The following AK9 variants were observed in gnomAD, a reference collection of about 807,000 sequenced individuals.
AK9 encodes adenylate kinase 9.
In AK9, 191 loss-of-function variants were observed where a neutral mutation model predicts 239.6. The ratio of observed to expected loss-of-function variants is 0.80; its 90% confidence interval spans 0.71 to 0.90. The LOEUF (loss-of-function observed/expected upper bound fraction) is 0.90, where lower values mean the gene tolerates loss of function less well. Among genes scored for constraint, AK9 ranks in the 40% least tolerant of loss-of-function variants. The probability of loss-of-function intolerance (pLI) is 0.00; values close to 1 mark genes in which losing one functional copy is unlikely to be tolerated. For missense variants in AK9, 1,995 were observed against 2,214.7 expected (o/e 0.90, Z 1.99); for synonymous variants, 689 against 721.0 (o/e 0.96, Z 0.71).
At chr6:109,537,343 GT>G (rs998203836) in intron 27 of AK9, among the ~76,000 whole-genome samples, 2 of 152,022 alleles carry the variant, frequency 1.3e-5, no homozygotes, top group African/African-American at 4.8e-5. Context: ...GAGGTTCTAT[GT>G]GTCCAGGAAT....
chr6:109,604,377 C>T (rs1033443114), intron 17 of AK9, among the ~76,000 whole-genome samples: 25 of 152,090 alleles, frequency 1.6e-4, no homozygotes, highest in African/African-American at 4.1e-4. Flanking sequence ...ATCATTTTTA[C>T]GTTTAACTAT....
chr6:109,583,187 T>A (rs547810964), intron 19 of AK9, among the ~76,000 whole-genome samples: 1 of 152,272 alleles, frequency 6.6e-6, no homozygotes, highest in East Asian at 1.9e-4. Context: ...GATGGGGCTC[T>A]TTGTGACATC....
intron 12 of AK9, among the ~76,000 whole-genome samples, chr6:109,630,864 A>G (rs1796027766): frequency 1.3e-5 from 2 of 152,238 alleles, no homozygotes; most frequent in South Asian, 4.1e-4. Flanking sequence ...AGAAAAAAAA[A>G]GAAATAGACC....
chr6:109,605,602 G>C (rs546211008), intron 17 of AK9, among the ~76,000 whole-genome samples: 1 of 152,168 alleles, frequency 6.6e-6, no homozygotes, highest in South Asian at 2.1e-4. Context: ...GAGCAATTTT[G>C]GAGTAAGAAA....
chr6:109,544,861 C>T (rs941826317), intron 26 of AK9, among the ~76,000 whole-genome samples: 3 of 152,030 alleles, frequency 2.0e-5, no homozygotes, highest in Non-Finnish European at 4.4e-5. Flanking sequence ...TCAGAGAACA[C>T]AATAATGGAA....
chr6:109,496,968 G>T (rs1053411639), intron 38 of AK9, among the ~76,000 whole-genome samples: 3 of 151,996 alleles, frequency 2.0e-5, no homozygotes, highest in Admixed American at 6.5e-5. Context: ...CTTCATGGTG[G>T]TCTTACTTGA....
chr6:109,616,635 G>A (rs987380210), intron 13 of AK9, among the ~76,000 whole-genome samples: 5 of 151,910 alleles, frequency 3.3e-5, no homozygotes, highest in East Asian at 1.9e-4. Flanking sequence ...CTTTGGCTTC[G>A]CAGAGCATTG....
rs1258667613 is a variant in AK9, at chr6:109,509,305, T to C, written c.4355A>G (p.Asn1452Ser). The change falls in exon 33 of 41, where the codon AAT becomes AGT. Residue 1452 changes from asparagine to serine, a missense_variant. By Grantham distance (46) the Asn-to-Ser change is conservative. Transcript: ENST00000424296. Reference sequence around the variant, plus strand: ...AAGTGCCAGCTCTGTTTCCGGGTGATTGTTTAGTACATAACGCAAAGCTCC... The same window carrying C: ...AAGTGCCAGCTCTGTTTCCGGGTGACTGTTTAGTACATAACGCAAAGCTCC... ...IGGALRYVLN[N>S]HPETELALML... 2.6e-6 allele frequency: 4 copies of C among 1,551,650 alleles called. No individual in the cohort carries two copies. Among genetic ancestry groups the C allele is most frequent in the East Asian group, 2.4e-5 (1 of 40,936 alleles).
intron 15 of AK9, among the ~76,000 whole-genome samples, chr6:109,613,038 G>C (rs750166899): frequency 4.1e-4 from 61 of 149,104 alleles, no homozygotes; most frequent in Non-Finnish European, 7.6e-4. Context: ...TATAGAATTT[G>C]ATATAATCAA....
At chr6:109,664,131 G>C (rs1255116803) in intron 5 of AK9, among the ~76,000 whole-genome samples, 1 of 152,084 alleles carries the variant, frequency 6.6e-6, no homozygotes, top group Non-Finnish European at 1.5e-5. Flanking sequence ...ATGGTTTTAT[G>C]ATTTCTAAAC....
At chr6:109,523,124 T>C (rs565652403) in intron 29 of AK9, among the ~76,000 whole-genome samples, 1 of 152,290 alleles carries the variant, frequency 6.6e-6, no homozygotes, top group African/African-American at 2.4e-5. Context: ...GTTTTATTCT[T>C]ACTTTTTAAT....
intron 21 of AK9, among the ~76,000 whole-genome samples, chr6:109,569,961 C>T (rs1431561120): frequency 6.6e-6 from 1 of 152,042 alleles, no homozygotes; most frequent in East Asian, 1.9e-4. Flanking sequence ...AATCATGCTG[C>T]TATAAAGACA....
chr6:109,542,544 T>C (rs1015811034), intron 26 of AK9, among the ~76,000 whole-genome samples: 14 of 152,226 alleles, frequency 9.2e-5, no homozygotes, highest in African/African-American at 3.4e-4. Context: ...TTGATCCTTA[T>C]ACATTCTATG....
chr6:109,521,177 T>C (rs9487134), intron 29 of AK9, among the ~76,000 whole-genome samples: 4,707 of 152,198 alleles, frequency 0.031, 252 homozygotes, highest in African/African-American at 0.11. Context: ...CATTCTTCTC[T>C]TTTAAAAATG....
At chr6:109,559,543 T>C (rs1268882541) in intron 24 of AK9, among the ~76,000 whole-genome samples, 1 of 152,232 alleles carries the variant, frequency 6.6e-6, no homozygotes, top group Non-Finnish European at 1.5e-5. Flanking sequence ...TAGTGTGTTG[T>C]TCCTGGATCT....
At chr6:109,592,908 AG>A (rs1290273826) in intron 17 of AK9, among the ~76,000 whole-genome samples, 1 of 152,084 alleles carries the variant, frequency 6.6e-6, no homozygotes, top group Non-Finnish European at 1.5e-5. Flanking sequence ...CTGGCTGTCT[AG>A]ATCTCTGACA....
chr6:109,637,976 T>C (rs1249046854), intron 10 of AK9, among the ~76,000 whole-genome samples: 1 of 152,210 alleles, frequency 6.6e-6, no homozygotes, highest in Non-Finnish European at 1.5e-5. Context: ...GGATTTGTGT[T>C]TGTAGTAAGC....
At chr6:109,498,044 T>C in intron 36 of AK9, 79 bp from the exon 37 acceptor site, 1 of 1,397,072 alleles carries the variant, frequency 7.2e-7, no homozygotes, top group Non-Finnish European at 1.0e-6. Context: ...GAGGCTCTCC[T>C]GCACCCTCCC....
intron 12 of AK9, among the ~76,000 whole-genome samples, chr6:109,630,295 A>G (rs1280634827): frequency 2.0e-5 from 3 of 152,206 alleles, no homozygotes; most frequent in African/African-American, 7.2e-5. Context: ...AAAATGTATC[A>G]TGTTTATGGA....
Sources: allele counts gnomAD v4.1 joint callset (sites outside exome capture counted in the v4.1 genomes callset), GRCh38; gene constraint gnomAD v4.1.1; transcripts MANE v1.5; gene names NCBI Gene and HGNC (gene_info 2026-07-23, HGNC 2026-07-21).